CPA3: variants seen among roughly 807,000 people sequenced by gnomAD.
CPA3 encodes carboxypeptidase A3.
In CPA3, 52 loss-of-function variants were observed where a neutral mutation model predicts 55.8. The observed-to-expected ratio is 0.93, with a 90% CI of 0.75 to 1.17. The LOEUF (loss-of-function observed/expected upper bound fraction) is 1.17. Ranked by LOEUF, CPA3 falls within the 50% of genes most tolerant of loss-of-function variation. CPA3 has a pLI of 0.00. For missense variants in CPA3, 547 were observed against 509.1 expected, an observed-to-expected ratio of 1.07 and a Z score of -0.72; for synonymous variants, 179 against 171.2, an observed-to-expected ratio of 1.05 and a Z score of -0.36.
At chr3:148,882,065 T>C (rs1006022703) in intron 7 of CPA3, among the ~76,000 whole-genome samples, 5 of 152,216 alleles carry the variant, frequency 3.3e-5, no homozygotes, top group Non-Finnish European at 7.4e-5. Flanking sequence ...TTTATTATCC[T>C]GCTTTTGCTA....
chr3:148,873,365 GCGCGCACA>G (rs1212549213), intron 3 of CPA3, among the ~76,000 whole-genome samples: 1 of 125,574 alleles, frequency 8.0e-6, no homozygotes, highest in Non-Finnish European at 1.8e-5. Flanking sequence ...GTGCATGCAC[GCGCGCACA>G]CGCGCACACA....
chr3:148,878,312 A>C (rs938068510), intron 3 of CPA3, 129 bp from the exon 4 acceptor site: 2 of 708,966 alleles, frequency 2.8e-6, no homozygotes, highest in African/African-American at 1.8e-5. Context: ...CTAGAGGAGA[A>C]TAATGAAGAA....
intron 3 of CPA3, among the ~76,000 whole-genome samples, chr3:148,874,876 A>G (rs1457371631): frequency 2.0e-5 from 3 of 152,218 alleles, no homozygotes; most frequent in Non-Finnish European, 4.4e-5. Flanking sequence ...ACATGTTATG[A>G]CTGTAAAATG....
rs1174080351 is a variant in CPA3, at chr3:148,896,902, C to A, written c.*195C>A. The A allele has an allele frequency of 1.7e-5, 7 of 414,484 alleles. No individual in the cohort carries two copies. The highest frequency in any genetic ancestry group is 3.5e-5 in the East Asian group (1 of 28,946). 25.7% of individuals were successfully genotyped at this position (414,484 alleles called of 1,614,324 possible). ...ATAACGAAGTAGCTTTAAGTGAAAC[C>A]TTTTAACTACCTTTCTTTGCTCCAA... On this transcript the variant is annotated 3_prime_UTR_variant, in exon 11 of 11. Transcript: ENST00000296046.
intron 5 of CPA3, among the ~76,000 whole-genome samples, chr3:148,878,976 A>G (rs1461593218): frequency 1.3e-5 from 2 of 152,196 alleles, no homozygotes. Context: ...ACAAACCCAA[A>G]CAAATATTTC....
rs534782301 is a variant in CPA3 at position 148,874,704 on chromosome 3, G to A, written c.270-3737G>A. ...TAAACTCTAATTAAGGGAATACAGC[G>A]TTTGTGTTCCACATCAGAACTCAGA... is the stretch of plus-strand genomic sequence containing the variant. On this transcript the variant is annotated intron_variant, in intron 3 of 10. Coordinates refer to ENST00000296046, the MANE Select transcript of CPA3 (RefSeq NM_001870.4). Among the ~76,000 whole-genome samples, 18 of 152,276 alleles carry A rather than the reference G, an allele frequency of 1.2e-4. No homozygotes were observed. In the East Asian group the frequency reaches 2.5e-3, roughly 21 times the overall value.
chr3:148,887,113 A>G (rs1714551573), intron 10 of CPA3, among the ~76,000 whole-genome samples: 1 of 152,196 alleles, frequency 6.6e-6, no homozygotes, highest in Non-Finnish European at 1.5e-5. Flanking sequence ...AAAAGAAATC[A>G]GTAATTTTTT....
intron 3 of CPA3, among the ~76,000 whole-genome samples, chr3:148,875,959 G>A (rs1417396955): frequency 6.6e-6 from 1 of 151,894 alleles, no homozygotes; most frequent in Non-Finnish European, 1.5e-5. Flanking sequence ...AGTTCAGAGA[G>A]TTTTCCAATG....
chr3:148,881,576 A>C lies in CPA3; in HGVS notation c.631A>C (p.Asn211His). Residue 211 changes from asparagine (N) to histidine (H), a missense_variant, in exon 7 of 11, where the codon AAT (asparagine) becomes CAT (histidine). Transcript: ENST00000296046. ...TATGACCAAACTCTTGGACCGAATG[A>C]ATTTTTACATTCTTCCTGTGTTCAA... ...KIMTKLLDRM[N>H]FYILPVFNVD... is the part of the protein sequence containing the mutation. The C allele has an allele frequency of 1.9e-6, 3 of 1,613,152 alleles. No individual in the cohort carries two copies. Among genetic ancestry groups the C allele is most frequent in the Non-Finnish European group, 2.5e-6 (3 of 1,179,482 alleles).
At chr3:148,884,292 C>A (rs1277961492) in intron 9 of CPA3, among the ~76,000 whole-genome samples, 1 of 152,128 alleles carries the variant, frequency 6.6e-6, no homozygotes, top group African/African-American at 2.4e-5. Context: ...TGTGAAGCTT[C>A]TTCACTAAGA....
At chr3:148,866,123 T>C (rs1277078544) in intron 2 of CPA3, among the ~76,000 whole-genome samples, 1 of 152,210 alleles carries the variant, frequency 6.6e-6, no homozygotes, top group Non-Finnish European at 1.5e-5. Flanking sequence ...TCCAGCAGAT[T>C]CTCAATGTCA....
At position 148,883,803 on chromosome 3, in the gene CPA3, C is replaced by T; in HGVS notation, c.969C>T (p.Asn323=). 1.2e-6 allele frequency: 2 copies of T among 1,613,592 alleles called. No individual in the cohort carries two copies. Among genetic ancestry groups the T allele is most frequent in the Non-Finnish European group, 1.7e-6 (2 of 1,179,530 alleles). Residue 323 remains asparagine, a synonymous_variant, in exon 9 of 11, where the codon AAC becomes AAT. Transcript: ENST00000296046. ...GATATACATCAAAACTGCCACCTAA[C>T]CATGAGGACTTGGTACGTAGACAAA... The part of the protein sequence containing the change: ...PYGYTSKLPP[N]HEDLAKVAKI...
chr3:148,890,020 C>G (rs1247414796), intron 10 of CPA3, among the ~76,000 whole-genome samples: 1 of 151,888 alleles, frequency 6.6e-6, no homozygotes, highest in East Asian at 1.9e-4. Context: ...TAAGATGAAA[C>G]TAGGGTTGAG....
intron 2 of CPA3, among the ~76,000 whole-genome samples, chr3:148,866,117 G>A (rs1342977528): frequency 1.3e-5 from 2 of 152,102 alleles, no homozygotes; most frequent in Admixed American, 6.5e-5. Flanking sequence ...AAATTCTCCA[G>A]CAGATTCTCA....
intron 8 of CPA3, among the ~76,000 whole-genome samples, chr3:148,883,202 G>T (rs1714417477): frequency 6.6e-6 from 1 of 152,192 alleles, no homozygotes; most frequent in African/African-American, 2.4e-5. Context: ...TAGAAGAGCA[G>T]CAGCTATCTC....
intron 9 of CPA3, among the ~76,000 whole-genome samples, chr3:148,885,406 CTTTTTTTTTTTTT>C (rs10712598): frequency 1.1e-5 from 1 of 88,340 alleles, no homozygotes; most frequent in African/African-American, 4.4e-5. Flanking sequence ...ATATTTAAGT[CTTTTTTTTTTTTT>C]TTTTTTTTTT....
In CPA3 at chr3:148,871,449, T is replaced by C. The variant is rs75959602; in HGVS notation, c.269+2410T>C. On this transcript the variant is annotated intron_variant, in intron 3 of 10. Transcript: ENST00000296046. ...AAATGTATCTAGAAAAGCTAGTTGC[T>C]TGGCATGAGCATGAATAGTGGAGTA... 5.8e-3 allele frequency among the ~76,000 whole-genome samples: 884 copies of C among 152,328 alleles called. 5 individuals are homozygous for C. The highest frequency in any genetic ancestry group is 0.02 in the African/African-American group (831 of 41,580).
At chr3:148,891,513 TACACAC>T (rs778053709) in intron 10 of CPA3, among the ~76,000 whole-genome samples, 3 of 120,482 alleles carry the variant, frequency 2.5e-5, no homozygotes, top group Non-Finnish European at 3.6e-5. Flanking sequence ...CACACACACA[TACACAC>T]ACACACACAC....
At chr3:148,872,645 G>T (rs774623971) in intron 3 of CPA3, among the ~76,000 whole-genome samples, 5 of 152,110 alleles carry the variant, frequency 3.3e-5, no homozygotes, top group Non-Finnish European at 7.4e-5. Flanking sequence ...CCTATCCAGT[G>T]TTTCAATCAA....
Sources: allele counts gnomAD v4.1 joint callset (sites outside exome capture counted in the v4.1 genomes callset), GRCh38; gene constraint gnomAD v4.1.1; transcripts MANE v1.5; gene names NCBI Gene and HGNC (gene_info 2026-07-23, HGNC 2026-07-21).